PAM: variants seen among roughly 807,000 people sequenced by gnomAD.
The protein encoded by PAM is peptidyl-glycine alpha-amidating monooxygenase.
PAM carries 72 observed loss-of-function variants against 122.1 expected under a neutral mutation model. The ratio of observed to expected loss-of-function variants is 0.59; its 90% CI spans 0.49 to 0.72. PAM has a LOEUF of 0.72. Ranked by LOEUF, PAM falls within the 30% of genes least tolerant of loss-of-function variation. The probability of loss-of-function intolerance (pLI) is 0.00; values close to 1 mark genes in which losing one functional copy is unlikely to be tolerated. For missense variants in PAM, 1,106 were observed against 1,183.7 expected, an observed-to-expected ratio of 0.93 and a Z score of 0.96; for synonymous variants, 389 against 404.4, an observed-to-expected ratio of 0.96 and a Z score of 0.46.
chr5:103,025,091 T>G (rs772632465), intron 23 of PAM, 40 bp from the exon 24 acceptor site: 1 of 1,458,000 alleles, frequency 6.9e-7, no homozygotes. Context: ...TTTGAAATCT[T>G]TGAGTCAGTT....
intron 14 of PAM, among the ~76,000 whole-genome samples, chr5:102,971,686 T>C (rs1219635205): frequency 1.3e-5 from 2 of 152,124 alleles, no homozygotes; most frequent in South Asian, 2.1e-4. Context: ...AAAGGAAACA[T>C]TGAGAGATGA....
chr5:102,899,613 G>T (rs1049717327), intron 3 of PAM, among the ~76,000 whole-genome samples: 20 of 151,650 alleles, frequency 1.3e-4, no homozygotes, highest in African/African-American at 4.1e-4. Context: ...TGCTGGGAAT[G>T]ATCTTGAATA....
At chr5:102,935,887 C>T (rs1265375883) in intron 7 of PAM, among the ~76,000 whole-genome samples, 1 of 152,098 alleles carries the variant, frequency 6.6e-6, no homozygotes, top group Non-Finnish European at 1.5e-5. Context: ...GTTCCTAGTT[C>T]AAACTAGGCC....
At position 103,006,831 on chromosome 5, in the gene PAM, G is replaced by A. The variant is rs752176383; in HGVS notation, c.1834G>A (p.Gly612Ser). 1.2e-6 allele frequency: 2 copies of A among 1,613,208 alleles called. No individual in the cohort carries two copies. The highest frequency in any genetic ancestry group is 1.7e-6 in the Non-Finnish European group (2 of 1,179,334). Residue 612 changes from glycine (G) to serine (S), a missense_variant, in exon 19 of 26, where the codon GGC becomes AGC. Gly to Ser is a moderately conservative substitution (Grantham distance 56). Around this residue, in one of 3 missense-constraint regions of PAM, gnomAD observed 103 missense variants for 157.9 expected, o/e 0.65. Transcript: ENST00000438793. Reference sequence around the variant, plus strand: ...CAAACTGGATCCAAACAATAAAGAAGGCCCTGTATTAATCCTGGGAAGGAG... The same window carrying A: ...CAAACTGGATCCAAACAATAAAGAAAGCCCTGTATTAATCCTGGGAAGGAG... ...VFKLDPNNKE[G>S]PVLILGRSMQ...
At chr5:102,829,867 C>T (rs468173) in intron 1 of PAM, among the ~76,000 whole-genome samples, 108,856 of 152,042 alleles carry the variant, frequency 0.72, 39,499 homozygotes, top group African/African-American at 0.82. Context: ...ATCTTAGAGT[C>T]TGAGAATTCT....
chr5:102,817,200 AC>A (rs1187017494), intron 1 of PAM, among the ~76,000 whole-genome samples: 1 of 152,140 alleles, frequency 6.6e-6, no homozygotes, highest in Non-Finnish European at 1.5e-5. Context: ...ACTTAGTTGT[AC>A]CACAATTTAT....
chr5:102,816,217 C>T (rs1769731203), intron 1 of PAM, among the ~76,000 whole-genome samples: 1 of 151,900 alleles, frequency 6.6e-6, no homozygotes, highest in Non-Finnish European at 1.5e-5. Context: ...CATGTTAATC[C>T]AATAGTTTAA....
chr5:102,801,481 A>G (rs2150091514), intron 1 of PAM, among the ~76,000 whole-genome samples: 1 of 152,330 alleles, frequency 6.6e-6, no homozygotes, highest in African/African-American at 2.4e-5. Context: ...AACAGAAGGA[A>G]TCGTAGCACT....
chr5:102,934,435 C>T (rs1475309679), intron 7 of PAM, among the ~76,000 whole-genome samples: 1 of 152,218 alleles, frequency 6.6e-6, no homozygotes, highest in Admixed American at 6.5e-5. Flanking sequence ...ACAAGCCTCA[C>T]CCCTGGGAGA....
At chr5:102,846,869 T>A (rs1780088076) in intron 1 of PAM, among the ~76,000 whole-genome samples, 1 of 152,214 alleles carries the variant, frequency 6.6e-6, no homozygotes, top group African/African-American at 2.4e-5. Flanking sequence ...AAGTTGGCCC[T>A]GATTCTACAT....
At position 102,929,174 on chromosome 5, in the gene PAM, A is replaced by G. The variant is rs116489642; in HGVS notation, c.526+2506A>G. ...TAGAAGCATTTTGTTAACTCCTTCA[A>G]TACCTTCCAGTTAGTGTACTGCACT... On this transcript the variant is annotated intron_variant, in intron 7 of 25. Coordinates refer to ENST00000438793, the MANE Select transcript of PAM (RefSeq NM_001177306.2). Among the ~76,000 whole-genome samples the G allele has an allele frequency of 7.4e-3, 1,123 of 152,264 alleles. 8 individuals are homozygous for G. Among genetic ancestry groups the G allele is most frequent in the Non-Finnish European group, 0.012 (844 of 68,010 alleles).
chr5:102,782,223 C>T (rs1759162441), intron 1 of PAM, among the ~76,000 whole-genome samples: 1 of 152,194 alleles, frequency 6.6e-6, no homozygotes, highest in Non-Finnish European at 1.5e-5. Context: ...TGAATTTGCT[C>T]TTTATAGGAT....
intron 3 of PAM, among the ~76,000 whole-genome samples, chr5:102,882,464 C>G (rs1434789158): frequency 6.6e-6 from 1 of 151,862 alleles, no homozygotes; most frequent in Non-Finnish European, 1.5e-5. Context: ...ATTTGCATTT[C>G]CATGATTATT....
At chr5:103,030,069 CT>C (rs1471948362), downstream of PAM, 2 of 152,100 alleles carry the variant, frequency 1.3e-5, no homozygotes, top group Non-Finnish European at 2.9e-5. Context: ...AATAGTTTTC[CT>C]TTTAAAAAAT....
intron 1 of PAM, among the ~76,000 whole-genome samples, chr5:102,786,878 T>A (rs1760690272): frequency 6.6e-6 from 1 of 152,114 alleles, no homozygotes; most frequent in Non-Finnish European, 1.5e-5. Flanking sequence ...ATATCAAAAG[T>A]TATAAATAAG....
At chr5:102,817,325 C>A (rs1252184771) in intron 1 of PAM, among the ~76,000 whole-genome samples, 1 of 151,862 alleles carries the variant, frequency 6.6e-6, no homozygotes, top group East Asian at 1.9e-4. Context: ...AATATGGTAG[C>A]CACTTGCTAC....
At chr5:102,953,374 T>C (rs1582111008) in intron 12 of PAM, among the ~76,000 whole-genome samples, 2 of 152,110 alleles carry the variant, frequency 1.3e-5, no homozygotes, top group East Asian at 1.9e-4. Flanking sequence ...CTATTTAGCC[T>C]TTACAAGGAG....
At chr5:103,024,302 C>T (rs1297449901) in intron 23 of PAM, among the ~76,000 whole-genome samples, 2 of 152,114 alleles carry the variant, frequency 1.3e-5, no homozygotes, top group Non-Finnish European at 2.9e-5. Context: ...ACTGCAGCAG[C>T]TTATATAGTT....
intron 1 of PAM, among the ~76,000 whole-genome samples, chr5:102,844,647 A>G (rs1779520362): frequency 6.6e-6 from 1 of 152,154 alleles, no homozygotes; most frequent in African/African-American, 2.4e-5. Context: ...AGCCTGGGCA[A>G]TAGAGCAAGA....
Sources: gnomAD v4.1 joint callset for allele counts (sites outside exome capture counted in the v4.1 genomes callset) on GRCh38, gnomAD v4.1.1 for gene constraint, gnomAD v4.1.1 regional missense constraint, MANE v1.5 for transcripts, NCBI Gene and HGNC (gene_info 2026-07-23, HGNC 2026-07-21) for gene names.